The following PKIA variants were observed in gnomAD, a reference collection of about 807,000 sequenced individuals.
PKIA encodes the protein PKI-alpha.
A neutral mutation model predicts 7.6 loss-of-function variants in PKIA; 4 were observed. The ratio of observed to expected loss-of-function variants is 0.52; its 90% CI spans 0.26 to 1.20. PKIA has a LOEUF of 1.20. Among genes scored for constraint, PKIA ranks in the 50% most tolerant of loss-of-function variants. The pLI is 0.13. For missense variants in PKIA, 73 were observed against 86.2 expected, an observed-to-expected ratio of 0.85 and a Z score of 0.61; for synonymous variants, 21 against 30.7, an observed-to-expected ratio of 0.68 and a Z score of 1.04.
rs1808279238 is a variant in PKIA, at chr8:78,598,462, C to T, written c.78C>T (p.Ile26=). The change falls in exon 3 of 4, where the codon ATC becomes ATT. Residue 26 remains isoleucine, a synonymous_variant. Coordinates refer to ENST00000396418, the MANE Select transcript of PKIA (RefSeq NM_006823.4). ...GTAGAAGAAATGCAATACATGATATCCTGGTTTCCTCTGCAAGTGGCAACA... is the reference window on the plus strand; with the variant it reads ...GTAGAAGAAATGCAATACATGATATTCTGGTTTCCTCTGCAAGTGGCAACA... The part of the protein sequence containing the change: ...RTGRRNAIHD[I]LVSSASGNSN... 6.2e-7 allele frequency: 1 copy of T among 1,611,066 alleles called. No individual in the cohort carries two copies. The highest frequency in any genetic ancestry group is 1.3e-5 in the African/African-American group (1 of 74,768).
intron 2 of PKIA, among the ~76,000 whole-genome samples, chr8:78,582,640 C>T (rs562247786): frequency 1.3e-5 from 2 of 152,052 alleles, no homozygotes; most frequent in Non-Finnish European, 2.9e-5. Context: ...TAGTAAAGTT[C>T]TCTGTATTAC....
At chr8:78,601,653 G>C in intron 3 of PKIA, 89 bp from the exon 4 acceptor site, 1 of 970,106 alleles carries the variant, frequency 1.0e-6, no homozygotes, top group African/African-American at 1.6e-5. Context: ...TAGTATTTCT[G>C]AAGTTACCAA....
At chr8:78,565,538 C>A (rs1051711619) in intron 1 of PKIA, among the ~76,000 whole-genome samples, 4 of 151,854 alleles carry the variant, frequency 2.6e-5, no homozygotes, top group African/African-American at 9.7e-5. Context: ...TAATATTCAC[C>A]CATATGACAA....
At chr8:78,576,766 A>G (rs1346279692) in intron 2 of PKIA, among the ~76,000 whole-genome samples, 1 of 151,892 alleles carries the variant, frequency 6.6e-6, no homozygotes, top group African/African-American at 2.4e-5. Flanking sequence ...ATTTTATGTA[A>G]CAGTTATTCT....
chr8:78,583,956 C>T (rs1807883814), intron 2 of PKIA, among the ~76,000 whole-genome samples: 1 of 151,912 alleles, frequency 6.6e-6, no homozygotes, highest in East Asian at 1.9e-4. Flanking sequence ...TTGCCACAGG[C>T]GAGGGAGTAT....
chr8:78,580,784 G>A (rs1024451100), intron 2 of PKIA, among the ~76,000 whole-genome samples: 1 of 152,036 alleles, frequency 6.6e-6, no homozygotes, highest in Non-Finnish European at 1.5e-5. Flanking sequence ...CACTGTCTGA[G>A]GAGGAAGTTG....
intron 1 of PKIA, among the ~76,000 whole-genome samples, chr8:78,527,117 A>G (rs997380375): frequency 1.3e-5 from 2 of 152,058 alleles, no homozygotes; most frequent in Non-Finnish European, 2.9e-5. Flanking sequence ...TCCTGGGAAC[A>G]GAATAACTTC....
intron 1 of PKIA, among the ~76,000 whole-genome samples, chr8:78,547,437 C>T (rs1365267788): frequency 6.6e-6 from 1 of 152,052 alleles, no homozygotes. Context: ...ACACAAATAG[C>T]CATAAATAGC....
At chr8:78,583,730 G>A (rs533161476) in intron 2 of PKIA, among the ~76,000 whole-genome samples, 8 of 152,172 alleles carry the variant, frequency 5.3e-5, no homozygotes, top group South Asian at 4.1e-4. Context: ...TTAGAGGGAG[G>A]TGGGAAAGAG....
chr8:78,545,638 A>T (rs1806802350), intron 1 of PKIA, among the ~76,000 whole-genome samples: 2 of 152,176 alleles, frequency 1.3e-5, no homozygotes, highest in African/African-American at 4.8e-5. Context: ...CATATTTAGT[A>T]ACATTATAAT....
chr8:78,542,480 G>A (rs1238428965), intron 1 of PKIA, among the ~76,000 whole-genome samples: 1 of 152,112 alleles, frequency 6.6e-6, no homozygotes, highest in Non-Finnish European at 1.5e-5. Flanking sequence ...GCTTATGTGA[G>A]GTGATCAGAA....
chr8:78,567,105 T>C (rs1262314264), intron 1 of PKIA, among the ~76,000 whole-genome samples: 1 of 152,188 alleles, frequency 6.6e-6, no homozygotes, highest in East Asian at 1.9e-4. Context: ...AAAACAGTTT[T>C]AATTCAGAAA....
At chr8:78,568,981 T>TCCACC (rs946003843) in intron 1 of PKIA, among the ~76,000 whole-genome samples, 3 of 152,024 alleles carry the variant, frequency 2.0e-5, no homozygotes, top group African/African-American at 7.2e-5. Context: ...GAGCTGAGCC[T>TCCACC]CCACCCCACC....
rs16905811 is a variant in PKIA, at chr8:78,583,331, A to G, written c.-28+10392A>G. Among the ~76,000 whole-genome samples, 451 of 152,222 alleles carry G rather than the reference A, an allele frequency of 3.0e-3. 3 individuals carry two copies. Among genetic ancestry groups the G allele is most frequent in the African/African-American group, 0.01 (426 of 41,546 alleles). ...TTTCCCAACATCAGATGGCAAGCAA[A>G]TATTGTAAAAATTATGGCACTGAAA... On this transcript the variant is annotated intron_variant, in intron 2 of 3. Coordinates refer to ENST00000396418, the MANE Select transcript of PKIA (RefSeq NM_006823.4).
At chr8:78,543,979 G>A (rs974409354) in intron 1 of PKIA, among the ~76,000 whole-genome samples, 2 of 152,044 alleles carry the variant, frequency 1.3e-5, no homozygotes, top group African/African-American at 4.8e-5. Context: ...TTCAAGCACT[G>A]GGAAGTTTCT....
rs1168953050 is a variant in PKIA, at chr8:78,604,490, A to G, written c.*2669A>G. Reference sequence around the variant, plus strand: ...AACTTCTTCAGCCTCCATATTTTACAGAAGGAAACTGAATCCCAGAAGGAG... The same window carrying G: ...AACTTCTTCAGCCTCCATATTTTACGGAAGGAAACTGAATCCCAGAAGGAG... On this transcript the variant is annotated 3_prime_UTR_variant, in exon 4 of 4. Coordinates refer to ENST00000396418, the MANE Select transcript of PKIA (RefSeq NM_006823.4). The G allele has an allele frequency of 6.6e-6, 1 of 152,022 alleles. No individual in the cohort carries two copies. Among genetic ancestry groups the G allele is most frequent in the African/African-American group, 2.4e-5 (1 of 41,422 alleles). The allele number at this position is 152,022 out of a possible 1,614,324, so 9.4% of individuals were successfully genotyped here.
intron 1 of PKIA, among the ~76,000 whole-genome samples, chr8:78,556,954 A>T (rs1459639266): frequency 1.3e-5 from 2 of 152,140 alleles, no homozygotes; most frequent in East Asian, 3.8e-4. Flanking sequence ...TGGTCAATTA[A>T]TGGCAACACA....
At chr8:78,562,213 T>G (rs1307247069) in intron 1 of PKIA, among the ~76,000 whole-genome samples, 1 of 152,154 alleles carries the variant, frequency 6.6e-6, no homozygotes, top group Non-Finnish European at 1.5e-5. Context: ...GATCCCAGGG[T>G]CACCAAGCTT....
chr8:78,565,969 G>A (rs1248987036), intron 1 of PKIA, among the ~76,000 whole-genome samples: 1 of 151,838 alleles, frequency 6.6e-6, no homozygotes, highest in East Asian at 1.9e-4. Context: ...CCTTACACCA[G>A]TGTTCGATAA....
Sources: allele counts gnomAD v4.1 joint callset (sites outside exome capture counted in the v4.1 genomes callset), GRCh38; gene constraint gnomAD v4.1.1; transcripts MANE v1.5; gene names NCBI Gene and HGNC (gene_info 2026-07-23, HGNC 2026-07-21).